The following RIN2 variants were observed in gnomAD, a reference collection of about 807,000 sequenced individuals.
The protein encoded by RIN2 is Ras and Rab interactor 2.
Under a neutral mutation model 78.0 loss-of-function variants are expected in RIN2, and 36 were observed. That is an observed-to-expected ratio of 0.46 (90% CI 0.35 to 0.61). The LOEUF is 0.61. Ranked by LOEUF, RIN2 falls within the 20% of genes least tolerant of loss-of-function variation. The pLI, the probability that RIN2 is intolerant of heterozygous loss-of-function variation, is 0.00. For missense variants in RIN2, 1,087 were observed against 1,159.7 expected (o/e 0.94, Z 0.91); for synonymous variants, 466 against 466.8 (o/e 1.00, Z 0.02).
chr20:19,947,450 C>T (rs1434620575), intron 4 of RIN2, among the ~76,000 whole-genome samples: 1 of 152,124 alleles, frequency 6.6e-6, no homozygotes, highest in African/African-American at 2.4e-5. Flanking sequence ...AGCAAAACTA[C>T]AGTTCTTTAT....
At chr20:19,824,782 A>G (rs2036034771) in intron 2 of RIN2, among the ~76,000 whole-genome samples, 1 of 152,200 alleles carries the variant, frequency 6.6e-6, no homozygotes, top group Non-Finnish European at 1.5e-5. Flanking sequence ...AACTGAAGAC[A>G]TTAGTTACAG....
intron 2 of RIN2, among the ~76,000 whole-genome samples, chr20:19,838,825 A>C (rs1459546146): frequency 6.6e-6 from 1 of 152,114 alleles, no homozygotes; most frequent in Non-Finnish European, 1.5e-5. Context: ...CTCTGGGTGC[A>C]GGGCTGGTGC....
intron 5 of RIN2, among the ~76,000 whole-genome samples, chr20:19,958,898 G>A (rs1234451777): frequency 1.3e-5 from 2 of 152,070 alleles, no homozygotes. Context: ...AAATAAAGAA[G>A]AGAGAGAAAA....
chr20:19,864,799 C>G (rs66709482), intron 2 of RIN2, among the ~76,000 whole-genome samples: 1 of 151,884 alleles, frequency 6.6e-6, no homozygotes, highest in Non-Finnish European at 1.5e-5. Flanking sequence ...CTCAAAGGGC[C>G]GTCAAACCAT....
At chr20:19,911,485 C>T (rs2039464154) in intron 3 of RIN2, among the ~76,000 whole-genome samples, 5 of 152,206 alleles carry the variant, frequency 3.3e-5, no homozygotes, top group Admixed American at 3.3e-4. Context: ...TCTAAATCCT[C>T]CTTGTGTATT....
At chr20:19,863,051 C>T (rs1379951010) in intron 2 of RIN2, among the ~76,000 whole-genome samples, 1 of 152,154 alleles carries the variant, frequency 6.6e-6, no homozygotes, top group Non-Finnish European at 1.5e-5. Flanking sequence ...TATGTGTTTA[C>T]CTAAGGTGAG....
intron 2 of RIN2, among the ~76,000 whole-genome samples, chr20:19,886,978 C>G (rs2123473368): frequency 6.6e-6 from 1 of 151,924 alleles, no homozygotes; most frequent in African/African-American, 2.4e-5. Flanking sequence ...CTAACTATAG[C>G]TACTACAGAA....
intron 2 of RIN2, among the ~76,000 whole-genome samples, chr20:19,881,348 G>A (rs192750334): frequency 5.3e-5 from 8 of 152,230 alleles, no homozygotes; most frequent in Non-Finnish European, 1.0e-4. Context: ...ATTTCCCTGC[G>A]CATCACTAAC....
rs2040751910 is a variant in RIN2 at position 19,938,864 on chromosome 20, C to A, written c.158+3665C>A. On this transcript the variant is annotated intron_variant, in intron 4 of 12. Transcript: ENST00000255006. ...CCCTTGGCCAATCCTCTCTTTGAGT[C>A]CAGAGGTTGGTAACCAACTGCCCAC... is the stretch of plus-strand genomic sequence containing the variant. Among the ~76,000 whole-genome samples the A allele has an allele frequency of 3.9e-5, 6 of 152,276 alleles. No homozygotes were observed. The South Asian group carries it at 1.2e-3, about 32-fold the overall frequency.
chr20:19,764,918 G>GTTTTTTTTGT lies in RIN2; in HGVS notation c.-163+6599_-163+6600insGTTTTTTTTT, dbSNP rs2033807513. ...GGGCAAGTCCCACTTCACTTTCTGC[G>GTTTTTTTTGT]TTTTTTTTTTTTTTTTTTTTTTTTT... On this transcript the variant is annotated intron_variant, in intron 1 of 12. Transcript: ENST00000255006. Among the ~76,000 whole-genome samples the GTTTTTTTTGT allele has an allele frequency of 4.0e-5, 2 of 50,362 alleles. 1 individual carries two copies. Among genetic ancestry groups the GTTTTTTTTGT allele is most frequent in the South Asian group, 3.0e-3 (2 of 662 alleles). 33.0% of individuals were successfully genotyped at this position (50,362 alleles called of 152,430 possible). A position where few individuals can be genotyped will look rare whatever the true frequency, so the allele number is the denominator to read the frequency against.
intron 11 of RIN2, among the ~76,000 whole-genome samples, chr20:19,995,523 A>C (rs1051481136): frequency 1.3e-5 from 2 of 152,216 alleles, no homozygotes; most frequent in Non-Finnish European, 2.9e-5. Flanking sequence ...ATATGTTAGG[A>C]CAAAAACTAT....
chr20:19,832,875 C>A (rs2036290627), intron 2 of RIN2, among the ~76,000 whole-genome samples: 1 of 152,102 alleles, frequency 6.6e-6, no homozygotes, highest in South Asian at 2.1e-4. Flanking sequence ...TCCCTCATGG[C>A]CTTCTCCCCT....
At position 19,968,495 on chromosome 20, in the gene RIN2, G is replaced by A. The variant is rs114069546; in HGVS notation, c.537-2343G>A. Among the ~76,000 whole-genome samples the A allele has an allele frequency of 3.0e-3, 457 of 152,282 alleles. 7 individuals are homozygous for A. Among genetic ancestry groups the A allele is most frequent in the African/African-American group, 0.01 (424 of 41,548 alleles). On this transcript the variant is annotated intron_variant, in intron 7 of 12. Transcript: ENST00000255006. ...CATGTGCATGTGTGTGTGCATGTGT[G>A]TGTGAAGATGCTGGGATGCACCCTG...
intron 2 of RIN2, among the ~76,000 whole-genome samples, chr20:19,863,043 T>C (rs895725415): frequency 6.6e-6 from 1 of 152,224 alleles, no homozygotes; most frequent in Non-Finnish European, 1.5e-5. Flanking sequence ...TCTCAACTTA[T>C]GTGTTTACCT....
intron 2 of RIN2, among the ~76,000 whole-genome samples, chr20:19,808,431 T>C (rs2035479721): frequency 6.6e-6 from 1 of 152,246 alleles, no homozygotes; most frequent in Admixed American, 6.5e-5. Context: ...AGCTGGGCTG[T>C]AGGGCCTGTT....
intron 1 of RIN2, among the ~76,000 whole-genome samples, chr20:19,779,640 C>A (rs1568744338): frequency 6.6e-6 from 1 of 152,136 alleles, no homozygotes; most frequent in African/African-American, 2.4e-5. Flanking sequence ...AAGCAGAGAG[C>A]CTCAGATAAG....
intron 3 of RIN2, among the ~76,000 whole-genome samples, chr20:19,928,728 C>A (rs902605130): frequency 1.3e-5 from 2 of 152,126 alleles, no homozygotes; most frequent in Non-Finnish European, 2.9e-5. Context: ...GTGTGTTATG[C>A]ACGAATGCAG....
chr20:19,823,189 G>A (rs1345275157), intron 2 of RIN2, among the ~76,000 whole-genome samples: 1 of 152,150 alleles, frequency 6.6e-6, no homozygotes, highest in African/African-American at 2.4e-5. Flanking sequence ...GCCATAGCAA[G>A]GAGACATTGC....
chr20:19,999,875 C>T (rs1447550049), intron 12 of RIN2, among the ~76,000 whole-genome samples: 1 of 152,156 alleles, frequency 6.6e-6, no homozygotes, highest in African/African-American at 2.4e-5. Flanking sequence ...TGACTTTTTC[C>T]ACATTGTGCC....
Sources: gnomAD v4.1 joint callset for allele counts (sites outside exome capture counted in the v4.1 genomes callset) on GRCh38, gnomAD v4.1.1 for gene constraint, MANE v1.5 for transcripts, NCBI Gene and HGNC (gene_info 2026-07-23, HGNC 2026-07-21) for gene names.